Variants in GPC3 observed in about 807,000 individuals in gnomAD.
GPC3 encodes glypican 3.
A neutral mutation model predicts 34.4 loss-of-function variants in GPC3; 3 were observed. The observed-to-expected ratio is 0.09, with a 90% CI of 0.04 to 0.23. The LOEUF (loss-of-function observed/expected upper bound fraction) is 0.23. Ranked by LOEUF, GPC3 falls within the 10% of genes least tolerant of loss-of-function variation. The pLI, the probability that GPC3 is intolerant of heterozygous loss-of-function variation, is 1.00. For missense variants in GPC3, 351 were observed against 445.6 expected, an observed-to-expected ratio of 0.79 and a Z score of 1.91; for synonymous variants, 177 against 174.0, an observed-to-expected ratio of 1.02 and a Z score of -0.13.
At chrX:133,643,543 G>T (rs1468199961) in intron 6 of GPC3, among the ~76,000 whole-genome samples, 1 of 111,737 alleles carries the variant, frequency 8.9e-6, no homozygotes. Context: ...TATAAAAAAA[G>T]AAATGAAAAT....
At chrX:133,831,613 C>A (rs1217366385) in intron 2 of GPC3, among the ~76,000 whole-genome samples, 1 of 111,773 alleles carries the variant, frequency 8.9e-6, no homozygotes, top group Non-Finnish European at 1.9e-5. Flanking sequence ...GTCTCTAATC[C>A]CAGCTACTCG....
At chrX:133,560,170 T>C (rs1385649102) in intron 7 of GPC3, among the ~76,000 whole-genome samples, 1 of 111,659 alleles carries the variant, frequency 9.0e-6, no homozygotes, top group Non-Finnish European at 1.9e-5. Context: ...TATCAGAGCA[T>C]AGGCACGGTG....
intron 2 of GPC3, among the ~76,000 whole-genome samples, chrX:133,770,118 C>T (rs1469059742): frequency 8.9e-6 from 1 of 111,912 alleles, no homozygotes; most frequent in Non-Finnish European, 1.9e-5. Flanking sequence ...CTCTACAAAA[C>T]ATCAAAAAAT....
At chrX:133,846,356 A>T (rs923268724) in intron 2 of GPC3, among the ~76,000 whole-genome samples, 11 of 111,668 alleles carry the variant, frequency 9.9e-5, no homozygotes, top group Admixed American at 4.7e-4. Flanking sequence ...CGAAAACATA[A>T]CTTTTCTTTT....
intron 2 of GPC3, among the ~76,000 whole-genome samples, chrX:133,898,133 A>G (rs1012500379): frequency 1.8e-5 from 2 of 111,593 alleles, no homozygotes; most frequent in African/African-American, 6.5e-5. Flanking sequence ...GTAATCCGAT[A>G]TAATAAAGGT....
intron 7 of GPC3, among the ~76,000 whole-genome samples, chrX:133,545,244 C>A (rs773918986): frequency 9.0e-6 from 1 of 111,400 alleles, no homozygotes. Context: ...TGGGTTAACA[C>A]GGTCAAATGT....
intron 3 of GPC3, among the ~76,000 whole-genome samples, chrX:133,721,305 T>C (rs2071363973): frequency 9.4e-6 from 1 of 106,878 alleles, no homozygotes; most frequent in Non-Finnish European, 1.9e-5. Context: ...CCCAAATCAC[T>C]AAAATCAGGA....
rs1011056778 is a variant in GPC3, at chrX:133,816,896, G to C, written c.338-62720C>G. On this transcript the variant is annotated intron_variant, in intron 2 of 7. Coordinates refer to ENST00000370818, the MANE Select transcript of GPC3 (RefSeq NM_004484.4). ...TCTGAAATGTGATGCAAAATTTCATGCATCTACATGCATACATTTTCTGGG... is the reference window on the plus strand; with the variant it reads ...TCTGAAATGTGATGCAAAATTTCATCCATCTACATGCATACATTTTCTGGG... Among the ~76,000 whole-genome samples, 3 of 111,948 alleles carry C rather than the reference G, an allele frequency of 2.7e-5. No homozygotes were observed. In the East Asian group the frequency reaches 8.4e-4, roughly 31 times the overall value.
In GPC3 at chrX:133,795,361, A is replaced by T. The variant is rs769018081; in HGVS notation, c.338-41185T>A. ...TGGTCATAGCCATGAAAAACTACAA[A>T]GGCAGAGAGTCTGCTTACGCTTTGC... On this transcript the variant is annotated intron_variant, in intron 2 of 7. Coordinates refer to ENST00000370818, the MANE Select transcript of GPC3 (RefSeq NM_004484.4). Among the ~76,000 whole-genome samples the T allele has an allele frequency of 6.2e-5, 7 of 112,347 alleles. No homozygotes were observed. In the East Asian group the frequency reaches 2.0e-3, roughly 31 times the overall value.
chrX:133,847,005 A>G (rs1213298995), intron 2 of GPC3, among the ~76,000 whole-genome samples: 1 of 111,306 alleles, frequency 9.0e-6, no homozygotes, highest in Non-Finnish European at 1.9e-5. Flanking sequence ...CAAATATGTG[A>G]CCCCTCCAGC....
chrX:133,613,508 A>G (rs989408655), intron 6 of GPC3, among the ~76,000 whole-genome samples: 2 of 112,177 alleles, frequency 1.8e-5, no homozygotes, highest in Non-Finnish European at 3.8e-5. Flanking sequence ...CATCTGTAGA[A>G]CAGTAATAAA....
At chrX:133,572,775 T>C (rs2069644900) in intron 7 of GPC3, among the ~76,000 whole-genome samples, 2 of 111,432 alleles carry the variant, frequency 1.8e-5, no homozygotes, top group Non-Finnish European at 3.8e-5. Context: ...TAAGAAGAAA[T>C]AGGAAATCTG....
intron 3 of GPC3, among the ~76,000 whole-genome samples, chrX:133,726,588 G>A (rs1190796263): frequency 9.0e-6 from 1 of 110,626 alleles, no homozygotes; most frequent in Non-Finnish European, 1.9e-5. Flanking sequence ...CTCTTCTTAT[G>A]GAGTCCCTCT....
At chrX:133,855,904 C>T (rs575937453) in intron 2 of GPC3, among the ~76,000 whole-genome samples, 77 of 111,468 alleles carry the variant, frequency 6.9e-4, no homozygotes, top group South Asian at 3.1e-3. Flanking sequence ...TATTGCACTC[C>T]GTGTAATGTC....
chrX:133,691,137 T>C (rs1477586531), intron 5 of GPC3, among the ~76,000 whole-genome samples: 3 of 111,777 alleles, frequency 2.7e-5, no homozygotes, highest in Non-Finnish European at 5.6e-5. Context: ...ATGAATATAA[T>C]GAATATATAT....
At chrX:133,621,033 T>C (rs983794909) in intron 6 of GPC3, among the ~76,000 whole-genome samples, 2 of 111,545 alleles carry the variant, frequency 1.8e-5, no homozygotes, top group African/African-American at 3.3e-5. Context: ...TGGTCACTCA[T>C]ATTTGGCTCA....
intron 5 of GPC3, among the ~76,000 whole-genome samples, chrX:133,684,326 T>A (rs1209086115): frequency 1.8e-5 from 2 of 111,731 alleles, no homozygotes; most frequent in African/African-American, 6.5e-5. Flanking sequence ...TGTCCCTCTG[T>A]CCCTCCCACC....
chrX:133,563,328 T>A (rs1027817393), intron 7 of GPC3, among the ~76,000 whole-genome samples: 7 of 111,389 alleles, frequency 6.3e-5, no homozygotes, highest in Admixed American at 3.8e-4. Flanking sequence ...ACCCCTGGGC[T>A]CAGGCGATCT....
intron 2 of GPC3, among the ~76,000 whole-genome samples, chrX:133,802,917 T>C (rs2075617155): frequency 1.0e-5 from 1 of 100,332 alleles, no homozygotes; most frequent in Non-Finnish European, 2.0e-5. Flanking sequence ...AGGTATTCTT[T>C]TTTTTTTTTT....
Sources: allele counts gnomAD v4.1 joint callset (sites outside exome capture counted in the v4.1 genomes callset), GRCh38; gene constraint gnomAD v4.1.1; transcripts MANE v1.5; gene names NCBI Gene and HGNC (gene_info 2026-07-23, HGNC 2026-07-21).